MARCHF1: variants seen among roughly 807,000 people sequenced by gnomAD.
The protein encoded by MARCHF1 is E3 ubiquitin-protein ligase MARCHF1.
In MARCHF1, 40 loss-of-function variants were observed where a neutral mutation model predicts 54.2. The ratio of observed to expected loss-of-function variants is 0.74; its 90% CI spans 0.57 to 0.96. The LOEUF (loss-of-function observed/expected upper bound fraction) is 0.96. Ranked by LOEUF, MARCHF1 falls within the 40% of genes least tolerant of loss-of-function variation. The probability of loss-of-function intolerance (pLI) is 0.00; values close to 1 mark genes in which losing one functional copy is unlikely to be tolerated. For synonymous variants in MARCHF1, 236 were observed against 236.3 expected (o/e 1.00, Z 0.01); for missense variants, 586 against 656.5 (o/e 0.89, Z 1.17).
chr4:164,186,567 A>G (rs1579605030), intron 1 of MARCHF1, among the ~76,000 whole-genome samples: 1 of 152,192 alleles, frequency 6.6e-6, no homozygotes, highest in Non-Finnish European at 1.5e-5. Flanking sequence ...AAGCAGAAAC[A>G]GTATGATCTG....
intron 4 of MARCHF1, among the ~76,000 whole-genome samples, chr4:163,747,396 A>G (rs1746394004): frequency 6.6e-6 from 1 of 152,210 alleles, no homozygotes; most frequent in Non-Finnish European, 1.5e-5. Context: ...TAATTCCCAC[A>G]GGTACGTTCC....
At chr4:164,128,314 A>C (rs910726237) in intron 1 of MARCHF1, among the ~76,000 whole-genome samples, 1 of 152,056 alleles carries the variant, frequency 6.6e-6, no homozygotes, top group Non-Finnish European at 1.5e-5. Flanking sequence ...TAAAATACAG[A>C]TTTTATAACA....
At chr4:163,704,099 G>GT (rs912346239) in intron 4 of MARCHF1, among the ~76,000 whole-genome samples, 93 of 146,608 alleles carry the variant, frequency 6.3e-4, no homozygotes, top group African/African-American at 2.3e-3. Flanking sequence ...GCTTAAAAAA[G>GT]TTTTTTTTTA....
intron 1 of MARCHF1, among the ~76,000 whole-genome samples, chr4:164,274,196 G>A (rs528094927): frequency 2.0e-5 from 3 of 152,156 alleles, no homozygotes; most frequent in Non-Finnish European, 2.9e-5. Flanking sequence ...TCTGCTCTAC[G>A]TAAAAGTTTT....
At chr4:164,325,474 C>A (rs1018164498) in intron 1 of MARCHF1, among the ~76,000 whole-genome samples, 35 of 151,790 alleles carry the variant, frequency 2.3e-4, no homozygotes. Context: ...TAAGTTGGAA[C>A]CCTTTCTTAC....
chr4:163,769,618 C>T (rs1747095082), intron 4 of MARCHF1, among the ~76,000 whole-genome samples: 1 of 152,144 alleles, frequency 6.6e-6, no homozygotes, highest in African/African-American at 2.4e-5. Context: ...TACCTGACGA[C>T]TATGAAAGTG....
At chr4:163,782,612 G>A (rs942906282) in intron 4 of MARCHF1, among the ~76,000 whole-genome samples, 33 of 150,006 alleles carry the variant, frequency 2.2e-4, no homozygotes, top group Non-Finnish European at 3.0e-4. Context: ...GAGGTTGCAG[G>A]GAGCAGAGAT....
intron 1 of MARCHF1, among the ~76,000 whole-genome samples, chr4:164,164,395 A>G (rs75710750): frequency 0.012 from 1,803 of 152,098 alleles, 34 homozygotes; most frequent in African/African-American, 0.041. Context: ...CAGGAATGAC[A>G]AAATGGCATA....
intron 5 of MARCHF1, among the ~76,000 whole-genome samples, chr4:163,615,782 A>C (rs1383904367): frequency 1.3e-5 from 2 of 152,176 alleles, no homozygotes; most frequent in Non-Finnish European, 2.9e-5. Flanking sequence ...AATGTTGAGC[A>C]AAAAGAACTA....
chr4:164,289,215 T>C (rs1467139453), intron 1 of MARCHF1, among the ~76,000 whole-genome samples: 1 of 151,924 alleles, frequency 6.6e-6, no homozygotes, highest in African/African-American at 2.4e-5. Context: ...TGTATTAGAG[T>C]CTAATGATAA....
chr4:163,968,845 C>T (rs1346239619), intron 3 of MARCHF1, among the ~76,000 whole-genome samples: 1 of 152,136 alleles, frequency 6.6e-6, no homozygotes, highest in Non-Finnish European at 1.5e-5. Flanking sequence ...GAGTAGACTT[C>T]CTGGCTCAGA....
At chr4:163,894,301 AT>A (rs1750727434) in intron 3 of MARCHF1, among the ~76,000 whole-genome samples, 1 of 152,042 alleles carries the variant, frequency 6.6e-6, no homozygotes. Context: ...GCAGTGGTCT[AT>A]TTACTTGTGT....
chr4:164,178,478 G>A (rs970541697), intron 1 of MARCHF1, among the ~76,000 whole-genome samples: 1 of 152,160 alleles, frequency 6.6e-6, no homozygotes, highest in Non-Finnish European at 1.5e-5. Flanking sequence ...AGGAAAGAGT[G>A]CAAGATGGAT....
At chr4:163,777,509 T>C (rs1289830109) in intron 4 of MARCHF1, among the ~76,000 whole-genome samples, 1 of 152,192 alleles carries the variant, frequency 6.6e-6, no homozygotes, top group Non-Finnish European at 1.5e-5. Context: ...GTCAATTGAT[T>C]CTTTACAAAA....
chr4:164,147,647 G>A (rs1376285242), intron 1 of MARCHF1, among the ~76,000 whole-genome samples: 1 of 133,256 alleles, frequency 7.5e-6, no homozygotes, highest in Non-Finnish European at 1.6e-5. Flanking sequence ...ACAGGAAGGG[G>A]AACATCACAC....
At chr4:163,955,674 T>C (rs1320269423) in intron 3 of MARCHF1, among the ~76,000 whole-genome samples, 1 of 152,100 alleles carries the variant, frequency 6.6e-6, no homozygotes, top group African/African-American at 2.4e-5. Flanking sequence ...CTTTATATCT[T>C]CCCAATCCTG....
At chr4:163,576,070 T>TC (rs1339377673) in intron 8 of MARCHF1, among the ~76,000 whole-genome samples, 2 of 152,154 alleles carry the variant, frequency 1.3e-5, no homozygotes, top group African/African-American at 4.8e-5. Flanking sequence ...TAGTTTTTTT[T>TC]CTTCTTCTAG....
intron 5 of MARCHF1, among the ~76,000 whole-genome samples, chr4:163,673,390 A>T (rs1579182206): frequency 6.6e-6 from 1 of 152,184 alleles, no homozygotes; most frequent in Non-Finnish European, 1.5e-5. Flanking sequence ...AGACCTTTTA[A>T]TCAGCTTAAC....
At chr4:163,545,252 A>G (rs1249351286) in intron 9 of MARCHF1, among the ~76,000 whole-genome samples, 1 of 152,194 alleles carries the variant, frequency 6.6e-6, no homozygotes, top group African/African-American at 2.4e-5. Flanking sequence ...TAAAATGAGA[A>G]ACCTTCATTT....
Sources: gnomAD v4.1 joint callset for allele counts (sites outside exome capture counted in the v4.1 genomes callset) on GRCh38, gnomAD v4.1.1 for gene constraint, MANE v1.5 for transcripts, NCBI Gene and HGNC (gene_info 2026-07-23, HGNC 2026-07-21) for gene names.